The following PCLO variants were observed in gnomAD, a reference collection of about 807,000 sequenced individuals.
PCLO encodes the protein protein piccolo.
Under a neutral mutation model 427.5 loss-of-function variants are expected in PCLO, and 82 were observed. That is an observed-to-expected ratio of 0.19 (90% CI 0.16 to 0.23). The LOEUF is 0.23. PCLO is among the 10% of genes least tolerant of loss of function. The pLI is 1.00. For synonymous variants in PCLO, 2,357 were observed against 2,155.4 expected (o/e 1.09, Z -2.59); for missense variants, 6,239 against 6,115.9 (o/e 1.02, Z -0.67).
rs1181593391 is a variant in PCLO at position 82,949,671 on chromosome 7, G to A, written c.10917C>T (p.Ala3639=). 1 of 1,613,714 alleles carries A rather than the reference G, an allele frequency of 6.2e-7. No individual in the cohort carries two copies. Among genetic ancestry groups the A allele is most frequent in the Admixed American group, 1.7e-5 (1 of 59,978 alleles). ...PLSPGKALES[A]FVPYEKPLPD... is the part of the protein sequence containing the mutation. ...GGAGGGGTTTTTCATAAGGTACAAA[G>A]GCTGATTCTAAGGCTTTGCCTGGTG... The change falls in exon 6 of 25, where the codon GCC becomes GCT. Residue 3639 remains alanine, a synonymous_variant. Transcript: ENST00000333891.
chr7:83,020,522 A>G (rs1177221118), intron 3 of PCLO, among the ~76,000 whole-genome samples: 1 of 152,106 alleles, frequency 6.6e-6, no homozygotes, highest in African/African-American at 2.4e-5. Flanking sequence ...ACTTTCTGCC[A>G]TGTGAGGGCA....
chr7:83,023,001 A>C lies in PCLO; in HGVS notation c.3301-56514T>G, dbSNP rs1788384002. 2.0e-5 allele frequency among the ~76,000 whole-genome samples: 3 copies of C among 152,304 alleles called. No individual in the cohort carries two copies. In the South Asian group the frequency reaches 6.2e-4, roughly 32 times the overall value. On this transcript the variant is annotated intron_variant, in intron 3 of 24. Coordinates refer to ENST00000333891, the MANE Select transcript of PCLO (RefSeq NM_033026.6). ...CATATATCAAATCTGTACATGTATA[A>C]TCAAATCTAAGATAAATATCATCTG...
In PCLO at chr7:82,955,706, T is replaced by C. The variant is rs370974945; in HGVS notation, c.5247A>G (p.Lys1749=). Residue 1749 remains lysine (K), a synonymous_variant, in exon 5 of 25, where the codon AAA becomes AAG. Transcript: ENST00000333891. The part of the protein sequence containing the change: ...EDSDSSPSHK[K]GESKQQRKAR... ...CTTTGCGTTGCTGTTTGCTCTCTCCTTTTTTGTGACTCGGGCTACTGTCAC... is the reference window on the plus strand; with the variant it reads ...CTTTGCGTTGCTGTTTGCTCTCTCCCTTTTTGTGACTCGGGCTACTGTCAC... The C allele has an allele frequency of 1.2e-6, 2 of 1,613,918 alleles. No individual in the cohort carries two copies. The highest frequency in any genetic ancestry group is 1.7e-5 in the Admixed American group (1 of 60,016).
chr7:82,763,550 T>C (rs1306576165), intron 22 of PCLO, among the ~76,000 whole-genome samples: 2 of 152,080 alleles, frequency 1.3e-5, no homozygotes, highest in African/African-American at 4.8e-5. Flanking sequence ...TTTTGTCACA[T>C]TTTGGGGATA....
chr7:82,867,004 C>T (rs1285123276), intron 10 of PCLO, among the ~76,000 whole-genome samples: 2 of 152,058 alleles, frequency 1.3e-5, no homozygotes, highest in African/African-American at 4.8e-5. Flanking sequence ...GCAGAGTCAA[C>T]CAATGTATTC....
At chr7:82,798,252 T>C (rs1791269145) in intron 22 of PCLO, among the ~76,000 whole-genome samples, 1 of 152,120 alleles carries the variant, frequency 6.6e-6, no homozygotes, top group Admixed American at 6.5e-5. Flanking sequence ...CAAGGATCTA[T>C]AATTTCAAGA....
intron 3 of PCLO, among the ~76,000 whole-genome samples, chr7:83,016,787 T>C (rs1413798574): frequency 6.6e-6 from 1 of 152,118 alleles, no homozygotes; most frequent in Non-Finnish European, 1.5e-5. Flanking sequence ...GGACGCTGCG[T>C]ACTGGGTTTA....
chr7:82,947,894 A>G (rs1240299822), intron 6 of PCLO, among the ~76,000 whole-genome samples: 1 of 151,906 alleles, frequency 6.6e-6, no homozygotes, highest in African/African-American at 2.4e-5. Context: ...ATAACTTGAG[A>G]CTCTTTTTTA....
chr7:82,933,631 A>G (rs565501168), intron 6 of PCLO, among the ~76,000 whole-genome samples: 1 of 152,066 alleles, frequency 6.6e-6, no homozygotes, highest in Admixed American at 6.6e-5. Context: ...AAAGGTTACA[A>G]AACTGTGATA....
chr7:83,021,214 G>C (rs1184754921), intron 3 of PCLO, among the ~76,000 whole-genome samples: 1 of 152,110 alleles, frequency 6.6e-6, no homozygotes, highest in Non-Finnish European at 1.5e-5. Flanking sequence ...AGGATAATTT[G>C]AGGGTTTCTC....
chr7:82,820,764 A>G (rs1365643689), intron 20 of PCLO: 8 of 1,231,390 alleles, frequency 6.5e-6, no homozygotes, highest in African/African-American at 1.6e-5. Flanking sequence ...TTGAACTGTG[A>G]GCAATTTAAA....
chr7:83,066,063 G>A (rs2116333519), intron 3 of PCLO, among the ~76,000 whole-genome samples: 1 of 152,186 alleles, frequency 6.6e-6, no homozygotes, highest in South Asian at 2.1e-4. Context: ...TTCTTCTGAA[G>A]CTCTCTAATC....
chr7:83,108,424 C>T (rs916603149), intron 3 of PCLO, among the ~76,000 whole-genome samples: 2 of 152,124 alleles, frequency 1.3e-5, no homozygotes, highest in African/African-American at 4.8e-5. Flanking sequence ...GATACCTTCA[C>T]AAGAAAAGTT....
At chr7:83,088,055 G>A (rs932784557) in intron 3 of PCLO, among the ~76,000 whole-genome samples, 1 of 151,936 alleles carries the variant, frequency 6.6e-6, no homozygotes, top group Non-Finnish European at 1.5e-5. Flanking sequence ...TTTACAAATC[G>A]CTCCTTTTAA....
intron 6 of PCLO, among the ~76,000 whole-genome samples, chr7:82,923,084 T>G (rs1199363879): frequency 6.6e-6 from 1 of 152,030 alleles, no homozygotes; most frequent in African/African-American, 2.4e-5. Context: ...CTTAAGAGGT[T>G]TTCCATTTAA....
chr7:83,122,207 GAA>G (rs1791297950), intron 3 of PCLO, among the ~76,000 whole-genome samples: 1 of 149,448 alleles, frequency 6.7e-6, no homozygotes, highest in Non-Finnish European at 1.5e-5. Flanking sequence ...TGTACTGAAT[GAA>G]AAAAATTAAA....
At chr7:82,995,669 C>T (rs112313106) in intron 3 of PCLO, among the ~76,000 whole-genome samples, 354 of 152,028 alleles carry the variant, frequency 2.3e-3, no homozygotes, top group Non-Finnish European at 3.6e-3. Context: ...TTTGATTGGA[C>T]CCAAGGCTGC....
chr7:83,074,068 T>C (rs1789887749), intron 3 of PCLO, among the ~76,000 whole-genome samples: 2 of 152,056 alleles, frequency 1.3e-5, no homozygotes, highest in South Asian at 4.1e-4. Context: ...CTTTCTAGTA[T>C]ATGTCTAGGC....
intron 3 of PCLO, among the ~76,000 whole-genome samples, chr7:83,053,495 A>T (rs569472564): frequency 1.3e-5 from 2 of 152,128 alleles, no homozygotes; most frequent in Admixed American, 1.3e-4. Flanking sequence ...GGAAGGAAAG[A>T]TGGAGGGGAG....
Sources: allele counts gnomAD v4.1 joint callset (sites outside exome capture counted in the v4.1 genomes callset), GRCh38; gene constraint gnomAD v4.1.1; transcripts MANE v1.5; gene names NCBI Gene and HGNC (gene_info 2026-07-23, HGNC 2026-07-21).